The following IL17RA variants were observed in gnomAD, a reference collection of about 807,000 sequenced individuals.
IL17RA encodes interleukin-17 receptor A.
In IL17RA, 34 loss-of-function variants were observed where a neutral mutation model predicts 50.4. The observed-to-expected ratio is 0.67, with a 90% CI of 0.51 to 0.90. The LOEUF (loss-of-function observed/expected upper bound fraction) is 0.90, where lower values mean the gene tolerates loss of function less well. Among genes scored for constraint, IL17RA ranks in the 40% least tolerant of loss-of-function variants. The pLI is 0.00. For missense variants in IL17RA, 1,276 were observed against 1,169.8 expected (o/e 1.09, Z -1.32); for synonymous variants, 585 against 510.4 (o/e 1.15, Z -1.97).
intron 4 of IL17RA, 80 bp downstream of exon 4, chr22:17,098,967 AT>A: frequency 1.7e-6 from 2 of 1,174,396 alleles, no homozygotes; most frequent in Non-Finnish European, 2.6e-6. Flanking sequence ...TCAGACCCTG[AT>A]TTAGAGTGGG....
At position 17,109,775 on chromosome 22, in the gene IL17RA, G is replaced by A. The variant is rs753701908; in HGVS notation, c.2556G>A (p.Ser852=). The change falls in exon 13 of 13, where the codon TCG becomes TCA. Residue 852 remains serine (S), a synonymous_variant. Coordinates refer to ENST00000319363, the MANE Select transcript of IL17RA (RefSeq NM_014339.7). ...TTTTCCGCCAGCTGCAGAAGAACTC[G>A]GGCTGGGACACGATGGGGTCAGAGT... is the stretch of plus-strand genomic sequence containing the variant. ...QLLFRQLQKN[S]GWDTMGSESE... The A allele has an allele frequency of 6.4e-7, 1 of 1,552,152 alleles. No homozygotes were observed.
rs1185589091 is a variant in IL17RA, at chr22:17,109,210, C to T, written c.1991C>T (p.Pro664Leu). 11 of 1,502,208 alleles carry T rather than the reference C, an allele frequency of 7.3e-6. No homozygotes were observed. In the African/African-American group the frequency reaches 1.2e-4, roughly 17 times the overall value. The allele number at this position is 1,502,208 out of a possible 1,614,324, so 93.1% of individuals were successfully genotyped here. The change falls in exon 13 of 13, where the codon CCC becomes CTC. Residue 664 changes from proline (P) to leucine (L), a missense_variant. Pro to Leu is a moderately conservative substitution (Grantham distance 98). Coordinates refer to ENST00000319363, the MANE Select transcript of IL17RA (RefSeq NM_014339.7). ...LQPRGQPAPQPLHTLVLAAEE... is the reference protein window; with the variant it reads ...LQPRGQPAPQLLHTLVLAAEE... ...CCCCGGGGTCAGCCAGCGCCGCAGC[C>T]CCTCCACACCCTGGTGCTCGCCGCA...
At position 17,085,040 on chromosome 22, in the gene IL17RA, C is replaced by T; in HGVS notation, c.-52C>T. 1 of 1,298,056 alleles carries T rather than the reference C, an allele frequency of 7.7e-7. No individual in the cohort carries two copies. Among genetic ancestry groups the T allele is most frequent in the East Asian group, 3.1e-5 (1 of 31,790 alleles). The allele number at this position is 1,298,056 out of a possible 1,614,324, so 80.4% of individuals were successfully genotyped here. A position where few individuals can be genotyped will look rare whatever the true frequency, so the allele number is the denominator to read the frequency against. On this transcript the variant is annotated 5_prime_UTR_variant, in exon 1 of 13. Transcript: ENST00000319363. ...GCGGAAAAGAAAGCCTCAGAACGTTCGTTCGCTGCGTCCCCAGCCGGGGCC... is the reference window on the plus strand; with the variant it reads ...GCGGAAAAGAAAGCCTCAGAACGTTTGTTCGCTGCGTCCCCAGCCGGGGCC...
Position 17,109,510 on chromosome 22 carries a change from C to A in IL17RA, c.2291C>A (p.Ala764Asp). The change falls in exon 13 of 13, where the codon GCC (alanine) becomes GAC (aspartate). Residue 764 changes from alanine (A) to aspartate (D), a missense_variant. Physicochemically the swap from Ala to Asp is moderately radical, Grantham distance 126 (BLOSUM62 -2). Coordinates refer to ENST00000319363, the MANE Select transcript of IL17RA (RefSeq NM_014339.7). ...TTCGAGCAGAGTCTGAGCTGCCAGG[C>A]CCAGGGGGGCTGCAGTAGACCCGCC... is the stretch of plus-strand genomic sequence containing the variant. ...SLFEQSLSCQ[A>D]QGGCSRPAMV... 1.3e-6 allele frequency: 2 copies of A among 1,598,752 alleles called. No individual in the cohort carries two copies. The highest frequency in any genetic ancestry group is 2.2e-5 in the South Asian group (2 of 89,540).
chr22:17,097,705 G>A (rs2061373245), intron 2 of IL17RA, 92 bp from the exon 3 acceptor site: 6 of 1,522,008 alleles, frequency 3.9e-6, no homozygotes, highest in Non-Finnish European at 5.4e-6. Flanking sequence ...GGGCCCCTGA[G>A]CTGTTTGCTG....
Position 17,109,587 on chromosome 22 carries a change from G to A in IL17RA, c.2368G>A (p.Val790Met). 6.2e-7 allele frequency: 1 copy of A among 1,602,232 alleles called. No homozygotes were observed. Among genetic ancestry groups the A allele is most frequent in the Non-Finnish European group, 8.5e-7 (1 of 1,174,602 alleles). Residue 790 changes from valine (V) to methionine (M), a missense_variant, in exon 13 of 13, where the codon GTG (valine) becomes ATG (methionine). Transcript: ENST00000319363. ...CTACGAGGAGGAGCAGCGGCAGTCA[G>A]TGCAGTCTGACCAGGGCTACATCTC... ...TPYEEEQRQS[V>M]QSDQGYISRS...
At chr22:17,108,257 T>C (rs2061421923) in intron 12 of IL17RA, 50 bp from the exon 13 acceptor site, 5 of 1,590,136 alleles carry the variant, frequency 3.1e-6, no homozygotes, top group Non-Finnish European at 4.3e-6. Context: ...GGCACAGAGC[T>C]GCCCTGGGCC....
intron 1 of IL17RA, among the ~76,000 whole-genome samples, chr22:17,091,879 A>G (rs945592291): frequency 1.3e-5 from 2 of 152,082 alleles, no homozygotes; most frequent in African/African-American, 4.8e-5. Flanking sequence ...GATACTGTGA[A>G]ATATGTATTT....
chr22:17,114,988 T>C lies in IL17RA; in HGVS notation c.*5168T>C, dbSNP rs1163362439. ...TCAACCACGCGCTATATTTTCCTGT[T>C]CTTCCTTAGGGCAAGAACTGCATGG... On this transcript the variant is annotated 3_prime_UTR_variant, in exon 13 of 13. Coordinates refer to ENST00000319363, the MANE Select transcript of IL17RA (RefSeq NM_014339.7). 1 of 152,290 alleles carries C rather than the reference T, an allele frequency of 6.6e-6. No homozygotes were observed. The highest frequency in any genetic ancestry group is 2.4e-5 in the African/African-American group (1 of 41,458). 9.4% of individuals were successfully genotyped at this position (152,290 alleles called of 1,614,324 possible).
intron 3 of IL17RA, 68 bp from the exon 4 acceptor site, chr22:17,098,707 A>G: frequency 8.1e-7 from 1 of 1,238,400 alleles, no homozygotes; most frequent in East Asian, 2.3e-5. Context: ...CAGATAGGGA[A>G]GTGACACACC....
chr22:17,115,518 AGCCAGAAGCAGCAAGCTAGG>A lies in IL17RA; in HGVS notation c.*5700_*5719del, dbSNP rs1164179069. The stretch of plus-strand genomic sequence containing the variant: ...GAAACGCCTGCTTAGCATTTGGCAC[AGCCAGAAGCAGCAAGCTAGG>A]GTCACAACACAGAGAGGGGCTGTGT... On this transcript the variant is annotated 3_prime_UTR_variant, in exon 13 of 13. Transcript: ENST00000319363. The A allele has an allele frequency of 6.6e-6, 1 of 152,214 alleles. No homozygotes were observed. Among genetic ancestry groups the A allele is most frequent in the Non-Finnish European group, 1.5e-5 (1 of 68,042 alleles). 9.4% of individuals were successfully genotyped at this position (152,214 alleles called of 1,614,324 possible).
rs567271418 is a variant in IL17RA at position 17,110,078 on chromosome 22, T to C, written c.*258T>C. On this transcript the variant is annotated 3_prime_UTR_variant, in exon 13 of 13. Transcript: ENST00000319363. ...TGGTAGAGCGTCCTTGAGGCTCCAT[T>C]ATTCGTTCATTCAGCATTTATTGTG... is the stretch of plus-strand genomic sequence containing the variant. 1.9e-6 allele frequency: 1 copy of C among 537,960 alleles called. No homozygotes were observed. Among genetic ancestry groups the C allele is most frequent in the East Asian group, 3.3e-5 (1 of 30,668 alleles). The allele number at this position is 537,960 out of a possible 1,614,324, so 33.3% of individuals were successfully genotyped here.
In IL17RA at chr22:17,105,894, T is replaced by A; in HGVS notation, c.985T>A (p.Ser329Thr). ...GGTGTACTGGTTCATCACGGGCATC[T>A]CCATCCTGCTGGTGGGCTCCGTCAT... ...LWVYWFITGI[S>T]ILLVGSVILL... Residue 329 changes from serine to threonine, a missense_variant, in exon 11 of 13, where the codon TCC (serine) becomes ACC (threonine). Transcript: ENST00000319363. 1 of 1,614,184 alleles carries A rather than the reference T, an allele frequency of 6.2e-7. No homozygotes were observed. The highest frequency in any genetic ancestry group is 8.5e-7 in the Non-Finnish European group (1 of 1,180,032).
At position 17,108,310 on chromosome 22, in the gene IL17RA, G is replaced by C. The variant is rs2061422159; in HGVS notation, c.1091G>C (p.Gly364Ala). 9 of 1,614,064 alleles carry C rather than the reference G, an allele frequency of 5.6e-6. No homozygotes were observed. The East Asian group carries it at 2.0e-4, about 36-fold the overall frequency. Residue 364 changes from glycine to alanine, a missense_variant, in exon 13 of 13, where the codon GGC (glycine) becomes GCC (alanine). By Grantham distance (60) the Gly-to-Ala change is moderately conservative. Coordinates refer to ENST00000319363, the MANE Select transcript of IL17RA (RefSeq NM_014339.7). The stretch of plus-strand genomic sequence containing the variant: ...ATGTGTGGTCTTGTTTCCTTAGATG[G>C]CCTGCCTGCGGCTGACCTGATCCCC... ...KYSDDTKYTD[G>A]LPAADLIPPP... is the part of the protein sequence containing the mutation.
Position 17,103,429 on chromosome 22 carries a change from G to A in IL17RA, c.763-65G>A, listed in dbSNP as rs547487445. The A allele has an allele frequency of 1.4e-5, 18 of 1,308,554 alleles. 1 individual carries two copies. The South Asian group carries it at 1.8e-4, about 13-fold the overall frequency. The allele number at this position is 1,308,554 out of a possible 1,614,324, so 81.1% of individuals were successfully genotyped here. ...AGCCTCTCCATGGCAGTGCCACAGCGTGTTCTTACCCAACTAGCCTTACCC... is the reference window on the plus strand; with the variant it reads ...AGCCTCTCCATGGCAGTGCCACAGCATGTTCTTACCCAACTAGCCTTACCC... On this transcript the variant is annotated intron_variant, in intron 7 of 12. Transcript: ENST00000319363.
chr22:17,101,905 GA>G, intron 5 of IL17RA, 90 bp from the exon 6 acceptor site: 1 of 1,536,610 alleles, frequency 6.5e-7, no homozygotes, highest in Non-Finnish European at 9.0e-7. Context: ...TCCCAGTGGG[GA>G]AAAGATTGTT....
chr22:17,108,778 C>G lies in IL17RA; in HGVS notation c.1559C>G (p.Ala520Gly), dbSNP rs1296881893. The G allele has an allele frequency of 6.2e-7, 1 of 1,607,666 alleles. No homozygotes were observed. Among genetic ancestry groups the G allele is most frequent in the Non-Finnish European group, 8.5e-7 (1 of 1,177,314 alleles). The change falls in exon 13 of 13, where the codon GCG (alanine) becomes GGG (glycine). Residue 520 changes from alanine to glycine, a missense_variant. Ala to Gly is a moderately conservative substitution (Grantham distance 60). Transcript: ENST00000319363. ...GACGTCCCCGACCTGTTCGGCGCGG[C>G]GCCGCGGTACCCGCTCATGGACAGG... is the stretch of plus-strand genomic sequence containing the variant. ...DGDVPDLFGA[A>G]PRYPLMDRFE...
Position 17,085,001 on chromosome 22 carries a change from A to G in IL17RA, c.-91A>G, listed in dbSNP as rs2061320238. On this transcript the variant is annotated 5_prime_UTR_variant, in exon 1 of 13. Transcript: ENST00000319363. ...GCCGGAAGCGAGCAAAGTGGAGCCG[A>G]CTCGAACTCCACCGCGGAAAAGAAA... 9 of 1,250,816 alleles carry G rather than the reference A, an allele frequency of 7.2e-6. No individual in the cohort carries two copies. Among genetic ancestry groups the G allele is most frequent in the East Asian group, 3.2e-5 (1 of 31,264 alleles). The allele number at this position is 1,250,816 out of a possible 1,614,324, so 77.5% of individuals were successfully genotyped here. A position where few individuals can be genotyped will look rare whatever the true frequency, so the allele number is the denominator to read the frequency against.
chr22:17,093,745 G>T, intron 1 of IL17RA: 1 of 193,468 alleles, frequency 5.2e-6, no homozygotes. Flanking sequence ...GACACAGTAT[G>T]GAACGTTCCT....
Sources: gnomAD v4.1 joint callset for allele counts (sites outside exome capture counted in the v4.1 genomes callset) on GRCh38, gnomAD v4.1.1 for gene constraint, MANE v1.5 for transcripts, NCBI Gene and HGNC (gene_info 2026-07-23, HGNC 2026-07-21) for gene names.